The following SASH1 variants were observed in gnomAD, a reference collection of about 807,000 sequenced individuals.
SASH1 encodes the protein SAM and SH3 domain containing 1.
SASH1 carries 44 observed loss-of-function variants against 125.2 expected under a neutral mutation model. The observed-to-expected ratio is 0.35, with a 90% CI of 0.28 to 0.45. The LOEUF is 0.45. Ranked by LOEUF, SASH1 falls within the 20% of genes least tolerant of loss-of-function variation. SASH1 has a pLI of 1.00. For missense variants in SASH1, 1,426 were observed against 1,614.5 expected (o/e 0.88, Z 2.00); for synonymous variants, 639 against 649.1 (o/e 0.98, Z 0.24).
At chr6:148,299,882 C>T (rs6570836) in intron 1 of SASH1, among the ~76,000 whole-genome samples, 1 of 151,780 alleles carries the variant, frequency 6.6e-6, no homozygotes, top group South Asian at 2.1e-4. Flanking sequence ...AACCCTAACC[C>T]GCCCCACCAA....
intron 4 of SASH1, among the ~76,000 whole-genome samples, chr6:148,454,906 C>T (rs955520201): frequency 6.6e-6 from 1 of 152,216 alleles, no homozygotes; most frequent in Non-Finnish European, 1.5e-5. Context: ...GTCAAGACAA[C>T]GCAGTCCCCA....
intron 1 of SASH1, among the ~76,000 whole-genome samples, chr6:148,375,713 G>C (rs918330330): frequency 6.6e-6 from 1 of 152,206 alleles, no homozygotes; most frequent in African/African-American, 2.4e-5. Context: ...CAGATGCATA[G>C]ATATGGATAC....
intron 4 of SASH1, among the ~76,000 whole-genome samples, chr6:148,455,504 A>G (rs1483396313): frequency 3.3e-5 from 5 of 152,150 alleles, no homozygotes; most frequent in South Asian, 2.1e-4. Context: ...ACGTGAAGTC[A>G]TCTGAGGGCA....
chr6:148,341,374 T>C (rs1281640876), upstream of SASH1, among the ~76,000 whole-genome samples: 1 of 149,600 alleles, frequency 6.7e-6, no homozygotes, highest in Non-Finnish European at 1.5e-5. Flanking sequence ...GGTTTTGCTG[T>C]GTTGACCAGG....
intron 8 of SASH1, among the ~76,000 whole-genome samples, chr6:148,490,670 C>T (rs1229605858): frequency 2.0e-5 from 3 of 152,220 alleles, no homozygotes; most frequent in Non-Finnish European, 4.4e-5. Context: ...CTTGTCTTTT[C>T]CTATCTATGT....
chr6:148,541,566 G>A (rs1782220418), intron 17 of SASH1, among the ~76,000 whole-genome samples: 3 of 152,040 alleles, frequency 2.0e-5, no homozygotes, highest in Admixed American at 6.6e-5. Flanking sequence ...CATGTTGAAT[G>A]TAAAATGTAT....
chr6:148,298,673 GGAAGGAAGGAAGGA>G, intron 1 of SASH1, among the ~76,000 whole-genome samples: 1 of 64,378 alleles, frequency 1.6e-5, no homozygotes, highest in Non-Finnish European at 3.3e-5. Flanking sequence ...GAGGGAGGAA[GGAAGGAAGGAAGGA>G]AGGAAGGAAG....
At chr6:148,362,489 G>A (rs117370516) in intron 1 of SASH1, among the ~76,000 whole-genome samples, 2,197 of 151,890 alleles carry the variant, frequency 0.014, 26 homozygotes, top group Non-Finnish European at 0.023. Context: ...TCCCACACAA[G>A]GCCTCAGTCT....
chr6:148,384,122 T>G (rs949139001), intron 1 of SASH1, among the ~76,000 whole-genome samples: 5 of 152,208 alleles, frequency 3.3e-5, no homozygotes, highest in African/African-American at 1.2e-4. Flanking sequence ...GAAAGAGAAC[T>G]TGAATCTGCA....
intron 8 of SASH1, among the ~76,000 whole-genome samples, chr6:148,496,155 A>T (rs1049451266): frequency 6.6e-6 from 1 of 152,158 alleles, no homozygotes; most frequent in African/African-American, 2.4e-5. Context: ...TTAAGAGAGG[A>T]TAGATTCCAA....
intron 4 of SASH1, among the ~76,000 whole-genome samples, chr6:148,443,424 C>T: frequency 2.0e-5 from 1 of 50,826 alleles, no homozygotes; most frequent in Admixed American, 1.8e-4. Context: ...ACAATTTCTT[C>T]TTTGTAGTGA....
chr6:148,417,571 G>A (rs921369860), intron 2 of SASH1, among the ~76,000 whole-genome samples: 4 of 112,226 alleles, frequency 3.6e-5, no homozygotes, highest in South Asian at 2.5e-4. Context: ...GCAATAGAGC[G>A]GGACTCTGTC....
intron 2 of SASH1, among the ~76,000 whole-genome samples, chr6:148,402,630 T>C (rs893711528): frequency 6.8e-6 from 1 of 147,204 alleles, no homozygotes; most frequent in African/African-American, 2.5e-5. Flanking sequence ...TTTTTTTTTT[T>C]TGGAGACAGA....
chr6:148,479,546 C>CT (rs1487906291), intron 7 of SASH1: 2 of 155,752 alleles, frequency 1.3e-5, no homozygotes, highest in Non-Finnish European at 2.9e-5. Flanking sequence ...GAAAGGAATA[C>CT]TTTCAAGCTG....
chr6:148,424,871 T>C lies in SASH1; in HGVS notation c.286-15313T>C, dbSNP rs538149593. On this transcript the variant is annotated intron_variant, in intron 2 of 19. Coordinates refer to ENST00000367467, the MANE Select transcript of SASH1 (RefSeq NM_015278.5). ...CTCAGCCTGTAGCATCAGTGTCACC[T>C]GGGAACTTGGTAAAAATGCAGATGA... Among the ~76,000 whole-genome samples, 8 of 152,272 alleles carry C rather than the reference T, an allele frequency of 5.3e-5. No homozygotes were observed. The East Asian group carries it at 1.4e-3, about 26-fold the overall frequency.
intron 2 of SASH1, among the ~76,000 whole-genome samples, chr6:148,436,888 C>G (rs540103283): frequency 6.6e-6 from 1 of 152,172 alleles, no homozygotes; most frequent in Non-Finnish European, 1.5e-5. Context: ...ATGAAACAGT[C>G]GGTGTATGTT....
chr6:148,261,496 A>T, the SASH1 span, among the ~76,000 whole-genome samples: 1 of 152,214 alleles, frequency 6.6e-6, no homozygotes, highest in South Asian at 2.1e-4. Flanking sequence ...ACGTCATGAA[A>T]GCTACACCTG....
the SASH1 span, among the ~76,000 whole-genome samples, chr6:148,210,172 C>T: frequency 2.0e-5 from 3 of 152,184 alleles, no homozygotes; most frequent in Admixed American, 2.0e-4. Flanking sequence ...ATGTTTCACA[C>T]AACGTGGTAA....
chr6:148,376,691 C>G (rs1237494568), intron 1 of SASH1, among the ~76,000 whole-genome samples: 1 of 151,542 alleles, frequency 6.6e-6, no homozygotes, highest in African/African-American at 2.4e-5. Context: ...GGTGAAACTC[C>G]CATCTCTACA....
Sources: gnomAD v4.1 joint callset for allele counts (sites outside exome capture counted in the v4.1 genomes callset) on GRCh38, gnomAD v4.1.1 for gene constraint, MANE v1.5 for transcripts, NCBI Gene and HGNC (gene_info 2026-07-23, HGNC 2026-07-21) for gene names.